Variants in GAL3ST1 observed in about 807,000 individuals in gnomAD.
GAL3ST1 encodes the protein galactose-3-O-sulfotransferase 1.
In GAL3ST1, 13 loss-of-function variants were observed where a neutral mutation model predicts 25.0. That is an observed-to-expected ratio of 0.52 (90% CI 0.34 to 0.83). GAL3ST1 has a LOEUF of 0.83. Ranked by LOEUF, GAL3ST1 falls within the 40% of genes least tolerant of loss-of-function variation. The pLI, the probability that GAL3ST1 is intolerant of heterozygous loss-of-function variation, is 0.02. For missense variants in GAL3ST1, 474 were observed against 613.6 expected (o/e 0.77, Z 2.40); for synonymous variants, 274 against 277.8 (o/e 0.99, Z 0.14).
chr22:30,566,816 A>G lies in GAL3ST1; in HGVS notation c.-120+7650T>C, dbSNP rs190018676. On this transcript the variant is annotated intron_variant, in intron 1 of 3. Transcript: ENST00000406361. ...AGTAGAGACGGGGTTTCACCGTGTTAGCCAGGATGGTCTCGATCTCCTGAC... is the reference window on the plus strand; with the variant it reads ...AGTAGAGACGGGGTTTCACCGTGTTGGCCAGGATGGTCTCGATCTCCTGAC... Among the ~76,000 whole-genome samples, 360 of 152,172 alleles carry G rather than the reference A, an allele frequency of 2.4e-3. 3 individuals carry two copies. Among genetic ancestry groups the G allele is most frequent in the African/African-American group, 8.1e-3 (338 of 41,518 alleles).
At chr22:30,566,829 T>C (rs1416043393) in intron 1 of GAL3ST1, among the ~76,000 whole-genome samples, 1 of 152,188 alleles carries the variant, frequency 6.6e-6, no homozygotes, top group Non-Finnish European at 1.5e-5. Flanking sequence ...CAGGATGGTC[T>C]CGATCTCCTG....
chr22:30,556,205 A>G, intron 3 of GAL3ST1, 112 bp from the exon 4 acceptor site: 1 of 890,556 alleles, frequency 1.1e-6, no homozygotes, highest in Non-Finnish European at 1.7e-6. Flanking sequence ...GAGCTGGGAT[A>G]GTGAGACCTG....
rs200175330 is a variant in GAL3ST1, at chr22:30,557,274, C to G, written c.119G>C (p.Gly40Ala). The change falls in exon 3 of 4, where the codon GGC (glycine) becomes GCC (alanine). Residue 40 changes from glycine to alanine, a missense_variant. Gly to Ala is a moderately conservative substitution (Grantham distance 60). Transcript: ENST00000406361. ...YSYAVPPLHA[G>A]LASTTPEAAA... ...CTGGGCCACTCACGTGGAGGCCAGG[C>G]CGGCATGCAGCGGGGGCACGGCATA... 2.2e-5 allele frequency: 35 copies of G among 1,614,148 alleles called. No individual in the cohort carries two copies. In the African/African-American group the frequency reaches 2.9e-4, roughly 14 times the overall value.
chr22:30,555,373 C>A lies in GAL3ST1; in HGVS notation c.852G>T (p.Ser284=), dbSNP rs746763491. 1 of 1,608,442 alleles carries A rather than the reference C, an allele frequency of 6.2e-7. No homozygotes were observed. Among genetic ancestry groups the A allele is most frequent in the Non-Finnish European group, 8.5e-7 (1 of 1,179,800 alleles). The change falls in exon 4 of 4, where the codon TCG becomes TCT. Residue 284 remains serine (S), a synonymous_variant. Coordinates refer to ENST00000406361, the MANE Select transcript of GAL3ST1 (RefSeq NM_001318104.2). This position sits in a 1 kb window ranked among gnomAD's most constrained non-coding sequence, Gnocchi z 8.6. Reference sequence around the variant, plus strand: ...GCTCCCCCGAGAGCCGCGGCACGGGCGAGTCGCGGCGGGCGTTGAGCTTGA... The same window carrying A: ...GCTCCCCCGAGAGCCGCGGCACGGGAGAGTCGCGGCGGGCGTTGAGCTTGA... ...LYFKLNARRD[S]PVPRLSGELY...
At chr22:30,559,447 G>C (rs776580511) in intron 1 of GAL3ST1, among the ~76,000 whole-genome samples, 1 of 152,098 alleles carries the variant, frequency 6.6e-6, no homozygotes. Context: ...CACCATGTTG[G>C]CCAGGATCAT....
At chr22:30,559,868 G>A (rs145767431) in intron 1 of GAL3ST1, among the ~76,000 whole-genome samples, 51 of 152,302 alleles carry the variant, frequency 3.3e-4, no homozygotes, top group Non-Finnish European at 5.1e-4. Context: ...CTCTTGTCCC[G>A]AACTTTCCAC....
chr22:30,574,088 C>A (rs1226584519), intron 1 of GAL3ST1, among the ~76,000 whole-genome samples: 1 of 152,160 alleles, frequency 6.6e-6, no homozygotes, highest in East Asian at 1.9e-4. Context: ...CTCTGCCCCT[C>A]CTCCCCTAGG....
chr22:30,565,656 C>T (rs2086598228), intron 1 of GAL3ST1, among the ~76,000 whole-genome samples: 1 of 152,214 alleles, frequency 6.6e-6, no homozygotes. Flanking sequence ...TACCCAGACA[C>T]TCGACCAGCT....
At chr22:30,562,183 TA>T (rs2086449512) in intron 1 of GAL3ST1, among the ~76,000 whole-genome samples, 1 of 152,098 alleles carries the variant, frequency 6.6e-6, no homozygotes, top group Non-Finnish European at 1.5e-5. Flanking sequence ...CCTGAGTAGC[TA>T]GGACTAACAG....
rs1232048843 is a variant in GAL3ST1, at chr22:30,554,822, A to G, written c.*131T>C. On this transcript the variant is annotated 3_prime_UTR_variant, in exon 4 of 4. Coordinates refer to ENST00000406361, the MANE Select transcript of GAL3ST1 (RefSeq NM_001318104.2). ...CAGTCTTGGCTGGCTGCCTCCCCCC[A>G]GGGAGCCCCCCCTCACCCCGGGGTC... 1 of 659,642 alleles carries G rather than the reference A, an allele frequency of 1.5e-6. No homozygotes were observed. Among genetic ancestry groups the G allele is most frequent in the Non-Finnish European group, 2.5e-6 (1 of 406,614 alleles). 40.9% of individuals were successfully genotyped at this position (659,642 alleles called of 1,614,324 possible).
Position 30,556,256 on chromosome 22 carries a change from G to T in GAL3ST1, c.132-163C>A, listed in dbSNP as rs531357043. On this transcript the variant is annotated intron_variant, in intron 3 of 3. Coordinates refer to ENST00000406361, the MANE Select transcript of GAL3ST1 (RefSeq NM_001318104.2). ...GGCTGGGTGCCTGCGCGGGTGGTTTGGCCTCTCTAGCCTCATGTTCCTCTT... is the reference window on the plus strand; with the variant it reads ...GGCTGGGTGCCTGCGCGGGTGGTTTTGCCTCTCTAGCCTCATGTTCCTCTT... 3.3e-5 allele frequency among the ~76,000 whole-genome samples: 5 copies of T among 152,248 alleles called. No homozygotes were observed. The South Asian group carries it at 8.3e-4, about 25-fold the overall frequency.
At chr22:30,568,902 C>A (rs1467353180) in intron 1 of GAL3ST1, among the ~76,000 whole-genome samples, 2 of 151,944 alleles carry the variant, frequency 1.3e-5, no homozygotes, top group East Asian at 3.9e-4. Flanking sequence ...ATGGTGAAAC[C>A]CCGTCTGTAC....
At chr22:30,558,029 C>T (rs990973192) in intron 2 of GAL3ST1, among the ~76,000 whole-genome samples, 1 of 151,716 alleles carries the variant, frequency 6.6e-6, no homozygotes, top group Non-Finnish European at 1.5e-5. Flanking sequence ...CTCAAGCAAT[C>T]CGCCCGCCTT....
intron 2 of GAL3ST1, 65 bp from the exon 3 acceptor site, chr22:30,557,466 C>T: frequency 5.0e-6 from 8 of 1,585,178 alleles, no homozygotes; most frequent in Non-Finnish European, 6.9e-6. Context: ...CCCAAGGCTG[C>T]CCAGGCCTGG....
chr22:30,574,249 TG>T (rs113757100), intron 1 of GAL3ST1, among the ~76,000 whole-genome samples: 5,244 of 152,060 alleles, frequency 0.034, 256 homozygotes, highest in East Asian at 0.2. Context: ...ACCAAGGGCA[TG>T]GGGGGCACCA....
chr22:30,559,432 A>T (rs28636681), intron 1 of GAL3ST1, among the ~76,000 whole-genome samples: 2 of 151,884 alleles, frequency 1.3e-5, no homozygotes, highest in South Asian at 4.2e-4. Context: ...GTAGAGATGG[A>T]GTTTCACCAT....
At chr22:30,557,615 C>CA in intron 2 of GAL3ST1, 1 of 481,438 alleles carries the variant, frequency 2.1e-6, no homozygotes, top group African/African-American at 2.0e-5. Context: ...TGAAGCAACT[C>CA]AAAGAGAGGT....
chr22:30,569,956 G>A (rs113806878), intron 1 of GAL3ST1, among the ~76,000 whole-genome samples: 8 of 152,052 alleles, frequency 5.3e-5, no homozygotes, highest in Admixed American at 2.6e-4. Flanking sequence ...GGTGGTGCAC[G>A]CCTGTAGCCC....
At position 30,574,601 on chromosome 22, in the gene GAL3ST1, G is replaced by C. The variant is rs1256661785; in HGVS notation, c.-255C>G. On this transcript the variant is annotated 5_prime_UTR_variant, in exon 1 of 4. Coordinates refer to ENST00000406361, the MANE Select transcript of GAL3ST1 (RefSeq NM_001318104.2). ...CCTGGTCCATGCCCCCGCCCCCGCC[G>C]CCGCTGCCGCGCCGCGCCCGCTCCC... 1.4e-5 allele frequency: 2 copies of C among 142,552 alleles called. No individual in the cohort carries two copies. The highest frequency in any genetic ancestry group is 2.6e-5 in the African/African-American group (1 of 39,020). 8.8% of individuals were successfully genotyped at this position (142,552 alleles called of 1,614,324 possible).
Sources: gnomAD v4.1 joint callset for allele counts (sites outside exome capture counted in the v4.1 genomes callset) on GRCh38, gnomAD v4.1.1 for gene constraint, Gnocchi (gnomAD v3.1) non-coding constraint, MANE v1.5 for transcripts, NCBI Gene and HGNC (gene_info 2026-07-23, HGNC 2026-07-21) for gene names.